SKAP1: variants seen among roughly 807,000 people sequenced by gnomAD.
SKAP1 encodes the protein src kinase-associated phosphoprotein 1.
Under a neutral mutation model 58.5 loss-of-function variants are expected in SKAP1, and 44 were observed. The ratio of observed to expected loss-of-function variants is 0.75; its 90% CI spans 0.59 to 0.97. The LOEUF (loss-of-function observed/expected upper bound fraction) is 0.97. Ranked by LOEUF, SKAP1 falls within the 50% of genes least tolerant of loss-of-function variation. The pLI, the probability that SKAP1 is intolerant of heterozygous loss-of-function variation, is 0.00. For synonymous variants in SKAP1, 127 were observed against 149.7 expected (o/e 0.85, Z 1.11); for missense variants, 390 against 435.2 (o/e 0.90, Z 0.92).
chr17:48,312,522 TTA>T, intron 4 of SKAP1, among the ~76,000 whole-genome samples: 1 of 152,338 alleles, frequency 6.6e-6, no homozygotes, highest in Non-Finnish European at 1.5e-5. Flanking sequence ...TGTTTGTCCT[TTA>T]AAAATAATAC....
intron 1 of SKAP1, among the ~76,000 whole-genome samples, chr17:48,410,891 C>A (rs1043999808): frequency 6.3e-5 from 8 of 126,082 alleles, no homozygotes; most frequent in African/African-American, 2.4e-4. Context: ...CACACCACTG[C>A]ACTTTAGCCT....
At chr17:48,385,618 G>A (rs2067265588) in intron 2 of SKAP1, among the ~76,000 whole-genome samples, 1 of 152,152 alleles carries the variant, frequency 6.6e-6, no homozygotes, top group Non-Finnish European at 1.5e-5. Context: ...TTTAAAAGGG[G>A]AGAGGTCTGA....
At chr17:48,336,266 A>T (rs1444185857) in intron 4 of SKAP1, among the ~76,000 whole-genome samples, 1 of 152,162 alleles carries the variant, frequency 6.6e-6, no homozygotes, top group Non-Finnish European at 1.5e-5. Flanking sequence ...CCAACATCTA[A>T]TAAACACTTA....
At chr17:48,413,406 A>C (rs969134047) in intron 1 of SKAP1, among the ~76,000 whole-genome samples, 2 of 150,684 alleles carry the variant, frequency 1.3e-5, no homozygotes, top group Non-Finnish European at 3.0e-5. Flanking sequence ...CCCAGCTACC[A>C]GAAAGGCTAA....
intron 4 of SKAP1, among the ~76,000 whole-genome samples, chr17:48,304,270 G>A (rs1170586430): frequency 6.6e-6 from 1 of 152,164 alleles, no homozygotes; most frequent in African/African-American, 2.4e-5. Flanking sequence ...ATAAGGAAAG[G>A]AAGTCTCTAA....
chr17:48,255,143 G>C (rs993447514), intron 4 of SKAP1, among the ~76,000 whole-genome samples: 1 of 152,096 alleles, frequency 6.6e-6, no homozygotes. Flanking sequence ...GTGAAGAAAG[G>C]AAGAGGAAAA....
At chr17:48,301,556 G>A (rs2066057156) in intron 4 of SKAP1, among the ~76,000 whole-genome samples, 1 of 152,028 alleles carries the variant, frequency 6.6e-6, no homozygotes, top group African/African-American at 2.4e-5. Flanking sequence ...CGTCTCCTGG[G>A]TTCAAGAATT....
intron 1 of SKAP1, among the ~76,000 whole-genome samples, chr17:48,399,796 G>T (rs1256622336): frequency 6.6e-6 from 1 of 151,586 alleles, no homozygotes; most frequent in South Asian, 2.1e-4. Flanking sequence ...AAAATAAATG[G>T]TCAAAGACTG....
intron 4 of SKAP1, among the ~76,000 whole-genome samples, chr17:48,325,867 CCTT>C (rs1251296873): frequency 6.6e-6 from 1 of 152,286 alleles, no homozygotes; most frequent in African/African-American, 2.4e-5. Flanking sequence ...CAGACTTTGA[CCTT>C]CTTCTATTTC....
chr17:48,429,096 CA>C (rs1448102429), intron 1 of SKAP1, among the ~76,000 whole-genome samples: 1 of 151,950 alleles, frequency 6.6e-6, no homozygotes, highest in Non-Finnish European at 1.5e-5. Flanking sequence ...TACTGCTTGC[CA>C]AAAATATGAC....
chr17:48,437,475 A>G, the SKAP1 span, among the ~76,000 whole-genome samples: 1 of 152,054 alleles, frequency 6.6e-6, no homozygotes, highest in Admixed American at 6.6e-5. Context: ...GGGTGTGGTG[A>G]CTCACGCCTG....
intron 4 of SKAP1, among the ~76,000 whole-genome samples, chr17:48,231,053 C>G (rs1035508477): frequency 1.3e-5 from 2 of 152,022 alleles, no homozygotes; most frequent in African/African-American, 4.8e-5. Context: ...AGGATAGATG[C>G]AGGCAGTGTT....
At chr17:48,418,448 C>T (rs1462901671) in intron 1 of SKAP1, among the ~76,000 whole-genome samples, 1 of 152,134 alleles carries the variant, frequency 6.6e-6, no homozygotes, top group East Asian at 1.9e-4. Context: ...AATAAAAAGA[C>T]TGCAATACCA....
rs112897933 is a variant in SKAP1, at chr17:48,188,629, T to C, written c.359-703A>G. Among the ~76,000 whole-genome samples, 5 of 151,920 alleles carry C rather than the reference T, an allele frequency of 3.3e-5. 2 individuals carry two copies. The highest frequency in any genetic ancestry group is 1.2e-4 in the African/African-American group (5 of 41,420). On this transcript the variant is annotated intron_variant, in intron 5 of 12. Coordinates refer to ENST00000336915, the MANE Select transcript of SKAP1 (RefSeq NM_003726.4). Reference sequence around the variant, plus strand: ...TTGAGCCCAGGATTGGAGGCTGCAGTGAGCTATGATGGCGCTACTGTATTC... The same window carrying C: ...TTGAGCCCAGGATTGGAGGCTGCAGCGAGCTATGATGGCGCTACTGTATTC...
At chr17:48,330,593 C>T (rs2066492470) in intron 4 of SKAP1, among the ~76,000 whole-genome samples, 1 of 152,236 alleles carries the variant, frequency 6.6e-6, no homozygotes, top group Admixed American at 6.5e-5. Flanking sequence ...ATTCTGCAAC[C>T]CGCCCTCTTC....
intron 4 of SKAP1, among the ~76,000 whole-genome samples, chr17:48,226,725 A>AT (rs992328568): frequency 3.3e-5 from 5 of 151,902 alleles, no homozygotes; most frequent in African/African-American, 9.7e-5. Flanking sequence ...AATCTTGCCT[A>AT]TTTTTTTTGA....
chr17:48,357,541 A>T (rs2066891353), intron 3 of SKAP1, among the ~76,000 whole-genome samples: 1 of 152,074 alleles, frequency 6.6e-6, no homozygotes, highest in African/African-American at 2.4e-5. Context: ...GAGGCAGGAG[A>T]ATTGCTTGAA....
chr17:48,172,389 C>T (rs760037281), intron 9 of SKAP1, among the ~76,000 whole-genome samples: 28 of 152,132 alleles, frequency 1.8e-4, no homozygotes, highest in Non-Finnish European at 3.8e-4. Flanking sequence ...TCCCATTAAC[C>T]GGTTTCATCT....
intron 4 of SKAP1, among the ~76,000 whole-genome samples, chr17:48,325,272 A>T (rs1384426170): frequency 6.6e-6 from 1 of 151,058 alleles, no homozygotes; most frequent in African/African-American, 2.4e-5. Flanking sequence ...AAAAAAAAAA[A>T]AAAAGACATA....
Sources: gnomAD v4.1 joint callset for allele counts (sites outside exome capture counted in the v4.1 genomes callset) on GRCh38, gnomAD v4.1.1 for gene constraint, MANE v1.5 for transcripts, NCBI Gene and HGNC (gene_info 2026-07-23, HGNC 2026-07-21) for gene names.